EPHB1: variants seen among roughly 807,000 people sequenced by gnomAD.
EPHB1 encodes the protein EPH receptor B1, also known as ephrin type-B receptor 1.
A neutral mutation model predicts 94.4 loss-of-function variants in EPHB1; 30 were observed. The ratio of observed to expected loss-of-function variants is 0.32; its 90% CI spans 0.24 to 0.43. EPHB1 has a LOEUF of 0.43. EPHB1 is among the 20% of genes least tolerant of loss of function. EPHB1 has a pLI of 1.00. For missense variants in EPHB1, 1,055 were observed against 1,308.3 expected, an observed-to-expected ratio of 0.81 and a Z score of 2.99; for synonymous variants, 522 against 489.1, an observed-to-expected ratio of 1.07 and a Z score of -0.89.
intron 1 of EPHB1, among the ~76,000 whole-genome samples, chr3:134,822,966 C>T (rs2036410138): frequency 6.6e-6 from 1 of 152,110 alleles, no homozygotes; most frequent in South Asian, 2.1e-4. Flanking sequence ...AGTGATTTTC[C>T]TATCTGTCAA....
At chr3:135,058,808 G>A (rs1193376551) in intron 3 of EPHB1, among the ~76,000 whole-genome samples, 3 of 152,156 alleles carry the variant, frequency 2.0e-5, no homozygotes, top group East Asian at 3.9e-4. Context: ...ACAGATGAGC[G>A]GCTTGTAGGT....
intron 9 of EPHB1, among the ~76,000 whole-genome samples, chr3:135,173,245 G>A (rs368695916): frequency 0.033 from 5,034 of 151,530 alleles, 294 homozygotes; most frequent in African/African-American, 0.11. Flanking sequence ...CGTTTTAGCC[G>A]GGATGGTCTC....
intron 1 of EPHB1, among the ~76,000 whole-genome samples, chr3:134,797,328 T>G (rs2035849619): frequency 6.6e-6 from 1 of 151,988 alleles, no homozygotes. Context: ...GTGGGAGCAG[T>G]TGAAATTGGA....
At chr3:135,123,979 G>A (rs1447771695) in intron 4 of EPHB1, among the ~76,000 whole-genome samples, 1 of 151,558 alleles carries the variant, frequency 6.6e-6, no homozygotes, top group Admixed American at 6.6e-5. Flanking sequence ...TCTGCTCAGA[G>A]CCCTCCTTAC....
At chr3:134,837,312 T>C (rs2036690081) in intron 1 of EPHB1, among the ~76,000 whole-genome samples, 1 of 152,232 alleles carries the variant, frequency 6.6e-6, no homozygotes, top group Non-Finnish European at 1.5e-5. Context: ...CTTATCTATT[T>C]GGTTACAAAA....
intron 2 of EPHB1, among the ~76,000 whole-genome samples, chr3:134,930,129 T>C (rs955513288): frequency 1.3e-5 from 2 of 152,344 alleles, no homozygotes; most frequent in Middle Eastern, 3.4e-3. Flanking sequence ...TGGCAGGCTT[T>C]CAGACCCAGA....
intron 15 of EPHB1, among the ~76,000 whole-genome samples, chr3:135,253,236 T>G (rs1427677976): frequency 6.6e-6 from 1 of 151,334 alleles, no homozygotes; most frequent in South Asian, 2.1e-4. Flanking sequence ...ATTTGTCAAT[T>G]TTGGCTTTTG....
At chr3:135,156,027 G>C (rs7611233) in intron 6 of EPHB1, among the ~76,000 whole-genome samples, 26,054 of 151,800 alleles carry the variant, frequency 0.17, 2,401 homozygotes, top group Middle Eastern at 0.27. Flanking sequence ...GCTAAAGGCA[G>C]AGCCAACAGG....
intron 15 of EPHB1, among the ~76,000 whole-genome samples, chr3:135,252,856 T>C (rs1446603804): frequency 6.8e-6 from 1 of 146,536 alleles, no homozygotes; most frequent in East Asian, 2.0e-4. Context: ...TTCCTATTTC[T>C]CCACATCCTC....
At chr3:135,181,493 A>G (rs1421331458) in intron 10 of EPHB1, among the ~76,000 whole-genome samples, 2 of 152,252 alleles carry the variant, frequency 1.3e-5, no homozygotes, top group Admixed American at 6.5e-5. Context: ...AGATTTCTCC[A>G]GTAAACATCA....
chr3:135,105,941 A>G (rs1197381029), intron 3 of EPHB1, among the ~76,000 whole-genome samples: 2 of 152,236 alleles, frequency 1.3e-5, no homozygotes, highest in Admixed American at 6.5e-5. Context: ...TTGTTAATAC[A>G]TCTCATAGTG....
chr3:135,009,356 G>A (rs1415741820), intron 3 of EPHB1, among the ~76,000 whole-genome samples: 3 of 152,150 alleles, frequency 2.0e-5, no homozygotes, highest in African/African-American at 7.2e-5. Context: ...ATTGGTCTGG[G>A]GTCTGGCTCA....
At chr3:135,088,478 G>T (rs918400084) in intron 3 of EPHB1, among the ~76,000 whole-genome samples, 16 of 152,036 alleles carry the variant, frequency 1.1e-4, no homozygotes, top group African/African-American at 3.1e-4. Flanking sequence ...AAAATACAGG[G>T]TTTTTTTTCT....
chr3:135,013,139 G>A (rs1935677069), intron 3 of EPHB1, among the ~76,000 whole-genome samples: 1 of 152,086 alleles, frequency 6.6e-6, no homozygotes, highest in Admixed American at 6.6e-5. Context: ...AGTCATTTCC[G>A]TTTATCAGAA....
intron 1 of EPHB1, among the ~76,000 whole-genome samples, chr3:134,809,386 A>G (rs536675608): frequency 3.7e-4 from 56 of 151,906 alleles, no homozygotes; most frequent in African/African-American, 1.3e-3. Flanking sequence ...TTTTTTTAAA[A>G]AAACACAGTA....
intron 2 of EPHB1, among the ~76,000 whole-genome samples, chr3:134,949,149 T>C (rs1481440050): frequency 6.6e-6 from 1 of 152,058 alleles, no homozygotes; most frequent in African/African-American, 2.4e-5. Context: ...CTATCCAGGA[T>C]AGTGAATCAT....
chr3:135,188,313 A>G (rs926459272), intron 10 of EPHB1, among the ~76,000 whole-genome samples: 2 of 151,422 alleles, frequency 1.3e-5, no homozygotes, highest in African/African-American at 2.4e-5. Flanking sequence ...TGGCCAACAT[A>G]ATGAACCACT....
intron 15 of EPHB1, among the ~76,000 whole-genome samples, chr3:135,252,445 TATG>T (rs1197917278): frequency 7.1e-6 from 1 of 141,188 alleles, no homozygotes; most frequent in Non-Finnish European, 1.5e-5. Flanking sequence ...AATTCCCACC[TATG>T]AGTGAGAATA....
Position 135,249,606 on chromosome 3 carries a change from T to C in EPHB1, c.2846+115T>C, listed in dbSNP as rs2107732019. 5.5e-6 allele frequency: 7 copies of C among 1,269,376 alleles called. No homozygotes were observed. The South Asian group carries it at 8.7e-5, about 16-fold the overall frequency. The allele number at this position is 1,269,376 out of a possible 1,614,324, so 78.6% of individuals were successfully genotyped here. A position where few individuals can be genotyped will look rare whatever the true frequency, so the allele number is the denominator to read the frequency against. ...CCTCATCCCTGGAGCTCCGTCTCTGTATAGACCAGGCCTGGATGGGGAGCA... is the reference window on the plus strand; with the variant it reads ...CCTCATCCCTGGAGCTCCGTCTCTGCATAGACCAGGCCTGGATGGGGAGCA... On this transcript the variant is annotated intron_variant, in intron 15 of 15. Coordinates refer to ENST00000398015, the MANE Select transcript of EPHB1 (RefSeq NM_004441.5).
Sources: gnomAD v4.1 joint callset for allele counts (sites outside exome capture counted in the v4.1 genomes callset) on GRCh38, gnomAD v4.1.1 for gene constraint, MANE v1.5 for transcripts, NCBI Gene and HGNC (gene_info 2026-07-23, HGNC 2026-07-21) for gene names.